The following CDH17 variants were observed in gnomAD, a reference collection of about 807,000 sequenced individuals.
CDH17 encodes the protein cadherin 17.
CDH17 carries 67 observed loss-of-function variants against 86.3 expected under a neutral mutation model. The ratio of observed to expected loss-of-function variants is 0.78; its 90% CI spans 0.64 to 0.95. CDH17 has a LOEUF of 0.95. Among genes scored for constraint, CDH17 ranks in the 40% least tolerant of loss-of-function variants. The pLI, the probability that CDH17 is intolerant of heterozygous loss-of-function variation, is 0.00. For missense variants in CDH17, 993 were observed against 1,017.6 expected (o/e 0.98, Z 0.33); for synonymous variants, 367 against 366.4 (o/e 1.00, Z -0.02).
At chr8:94,172,920 C>A (rs1586260585) in intron 7 of CDH17, among the ~76,000 whole-genome samples, 1 of 152,128 alleles carries the variant, frequency 6.6e-6, no homozygotes, top group South Asian at 2.1e-4. Context: ...TACTATGATC[C>A]TTTTACCCCT....
At chr8:94,159,400 G>A (rs552767546) in intron 12 of CDH17, among the ~76,000 whole-genome samples, 278 of 152,274 alleles carry the variant, frequency 1.8e-3, no homozygotes, top group African/African-American at 6.5e-3. Context: ...ATTAAACCTT[G>A]GAAGGAGACC....
chr8:94,140,910 T>C (rs550844436), intron 15 of CDH17, among the ~76,000 whole-genome samples: 1 of 152,280 alleles, frequency 6.6e-6, no homozygotes, highest in African/African-American at 2.4e-5. Flanking sequence ...CAGGCCCAGA[T>C]AGCTTTACTG....
chr8:94,215,836 T>C (rs1038290313), intron 1 of CDH17, among the ~76,000 whole-genome samples: 1 of 151,538 alleles, frequency 6.6e-6, no homozygotes, highest in Non-Finnish European at 1.5e-5. Context: ...GTTTCCAAAA[T>C]CATTTATTTT....
intron 1 of CDH17, among the ~76,000 whole-genome samples, chr8:94,195,158 C>T (rs530561039): frequency 2.6e-4 from 40 of 152,248 alleles, no homozygotes; most frequent in African/African-American, 9.1e-4. Flanking sequence ...CCCATCACCA[C>T]GCCTGGCTAA....
chr8:94,180,635 G>A (rs1813463488), intron 3 of CDH17, among the ~76,000 whole-genome samples: 1 of 152,144 alleles, frequency 6.6e-6, no homozygotes, highest in Non-Finnish European at 1.5e-5. Flanking sequence ...AGTGGCTCAT[G>A]CCTGTAATCC....
intron 1 of CDH17, among the ~76,000 whole-genome samples, chr8:94,200,011 T>A (rs754355123): frequency 3.2e-4 from 48 of 152,328 alleles, no homozygotes; most frequent in Middle Eastern, 6.8e-3. Context: ...AATTCCCAAC[T>A]TTTGGTGGCC....
intron 15 of CDH17, among the ~76,000 whole-genome samples, chr8:94,137,066 G>A (rs1812544050): frequency 6.6e-6 from 1 of 152,188 alleles, no homozygotes; most frequent in African/African-American, 2.4e-5. Context: ...CCCCTACTGG[G>A]AGGTGTCTCC....
chr8:94,182,675 C>T (rs1813506492), intron 3 of CDH17, among the ~76,000 whole-genome samples: 1 of 152,056 alleles, frequency 6.6e-6, no homozygotes, highest in East Asian at 1.9e-4. Context: ...TGGTGAAAGA[C>T]TGAAAGCTTT....
chr8:94,147,785 AAAAT>A (rs1478502671), intron 14 of CDH17, among the ~76,000 whole-genome samples: 4 of 152,240 alleles, frequency 2.6e-5, no homozygotes, highest in Admixed American at 6.5e-5. Context: ...CAGCACAACT[AAAAT>A]AAATAAGATA....
At chr8:94,148,428 G>C (rs1812787261) in intron 14 of CDH17, among the ~76,000 whole-genome samples, 1 of 151,256 alleles carries the variant, frequency 6.6e-6, no homozygotes, top group African/African-American at 2.4e-5. Context: ...TGTAATCCCA[G>C]CTACTCGGAA....
chr8:94,134,286 G>A (rs965673306), intron 15 of CDH17, among the ~76,000 whole-genome samples: 1 of 152,148 alleles, frequency 6.6e-6, no homozygotes, highest in Non-Finnish European at 1.5e-5. Context: ...TCTGATCCTG[G>A]ACTTTTTTTT....
At position 94,173,980 on chromosome 8, in the gene CDH17, A is replaced by T. The variant is rs1225379256; in HGVS notation, c.600T>A (p.Asn200Lys). 6.8e-6 allele frequency: 11 copies of T among 1,613,828 alleles called. No homozygotes were observed. In the South Asian group the frequency reaches 1.1e-4, roughly 16 times the overall value. Residue 200 changes from asparagine (N) to lysine (K), a missense_variant, in exon 7 of 18, where the codon AAT becomes AAA. Asn to Lys is a moderately conservative substitution (Grantham distance 94). Coordinates refer to ENST00000027335, the MANE Select transcript of CDH17 (RefSeq NM_004063.4). ...GATTATAGGAAGGATTCTTAGCAGG[A>T]TTCAATTCCTGAGATCCTGTGAGAA... ...SLTREGSQEL[N>K]PAKNPSYNLV...
intron 15 of CDH17, among the ~76,000 whole-genome samples, chr8:94,137,541 C>G (rs1031771202): frequency 3.9e-5 from 6 of 152,158 alleles, no homozygotes; most frequent in African/African-American, 1.4e-4. Flanking sequence ...CAGGTACAGT[C>G]TGTCATGGCT....
At chr8:94,209,525 GAGA>G (rs1197460252), upstream of CDH17, among the ~76,000 whole-genome samples, 3 of 152,176 alleles carry the variant, frequency 2.0e-5, no homozygotes, top group South Asian at 4.1e-4. Flanking sequence ...CAGATTTCAT[GAGA>G]AGGTTTCATG....
At chr8:94,204,344 TG>T (rs1197784630) in intron 1 of CDH17, among the ~76,000 whole-genome samples, 1 of 152,104 alleles carries the variant, frequency 6.6e-6, no homozygotes, top group Non-Finnish European at 1.5e-5. Context: ...GATGTTCCCC[TG>T]TGTCATGTGT....
chr8:94,194,527 G>A, intron 2 of CDH17, 108 bp downstream of exon 2: 1 of 752,498 alleles, frequency 1.3e-6, no homozygotes, highest in East Asian at 2.6e-5. Context: ...AATTTTGATA[G>A]GTCATCTTTT....
At chr8:94,191,742 C>T (rs536545465) in intron 2 of CDH17, among the ~76,000 whole-genome samples, 6 of 152,340 alleles carry the variant, frequency 3.9e-5, no homozygotes, top group African/African-American at 1.4e-4. Flanking sequence ...GCATGAGCAA[C>T]CATGCCCGGC....
At chr8:94,215,686 T>A (rs1438330524) in intron 1 of CDH17, among the ~76,000 whole-genome samples, 1 of 152,204 alleles carries the variant, frequency 6.6e-6, no homozygotes, top group Non-Finnish European at 1.5e-5. Flanking sequence ...AAAAAAAGTA[T>A]TCCCTGCAAC....
chr8:94,170,730 A>G (rs1813253093), intron 8 of CDH17, 124 bp downstream of exon 8: 1 of 1,384,534 alleles, frequency 7.2e-7, no homozygotes, highest in African/African-American at 1.4e-5. Flanking sequence ...TTGAAAACCA[A>G]TAATATGCTG....
Sources: gnomAD v4.1 joint callset for allele counts (sites outside exome capture counted in the v4.1 genomes callset) on GRCh38, gnomAD v4.1.1 for gene constraint, MANE v1.5 for transcripts, NCBI Gene and HGNC (gene_info 2026-07-23, HGNC 2026-07-21) for gene names.